The following VAT1L variants were observed in gnomAD, a reference collection of about 807,000 sequenced individuals.
VAT1L encodes the protein vesicle amine transport 1 like.
Under a neutral mutation model 44.1 loss-of-function variants are expected in VAT1L, and 34 were observed. The observed-to-expected ratio is 0.77, with a 90% CI of 0.59 to 1.03. VAT1L has a LOEUF of 1.03. Ranked by LOEUF, VAT1L falls within the 50% of genes least tolerant of loss-of-function variation. The probability of loss-of-function intolerance (pLI) is 0.00; values close to 1 mark genes in which losing one functional copy is unlikely to be tolerated. For synonymous variants in VAT1L, 253 were observed against 202.2 expected (o/e 1.25, Z -2.13); for missense variants, 615 against 538.8 (o/e 1.14, Z -1.40).
chr16:77,912,808 G>T (rs191187594), intron 7 of VAT1L, among the ~76,000 whole-genome samples: 1 of 152,300 alleles, frequency 6.6e-6, no homozygotes, highest in Non-Finnish European at 1.5e-5. Context: ...GCAAGTTCAA[G>T]ATCAAGGTAC....
chr16:77,869,350 A>C (rs1341379789), intron 4 of VAT1L, among the ~76,000 whole-genome samples: 2 of 152,196 alleles, frequency 1.3e-5, no homozygotes, highest in Admixed American at 6.5e-5. Context: ...CAGGCCAGGG[A>C]AAGTGGGACT....
intron 3 of VAT1L, among the ~76,000 whole-genome samples, chr16:77,861,373 T>C (rs977502719): frequency 2.0e-5 from 3 of 152,242 alleles, no homozygotes; most frequent in African/African-American, 7.2e-5. Context: ...TTTTGTCCAA[T>C]GACTTCAAGT....
chr16:77,966,469 C>A (rs2018223588), intron 7 of VAT1L, among the ~76,000 whole-genome samples: 1 of 152,144 alleles, frequency 6.6e-6, no homozygotes, highest in African/African-American at 2.4e-5. Context: ...AGACACAGTG[C>A]AGAGAGCCCA....
chr16:77,949,696 A>G (rs1387316518), intron 7 of VAT1L, among the ~76,000 whole-genome samples: 1 of 152,198 alleles, frequency 6.6e-6, no homozygotes, highest in African/African-American at 2.4e-5. Flanking sequence ...ACCTTCCGCC[A>G]TGAGCAGAAA....
intron 7 of VAT1L, among the ~76,000 whole-genome samples, chr16:77,946,308 G>C (rs1483441378): frequency 4.8e-4 from 2 of 4,160 alleles, no homozygotes; most frequent in African/African-American, 7.2e-4. Context: ...TTTTGAGACA[G>C]AGTCTCACTC....
At chr16:77,843,067 G>A (rs1233916919) in intron 3 of VAT1L, among the ~76,000 whole-genome samples, 3 of 152,158 alleles carry the variant, frequency 2.0e-5, no homozygotes, top group Non-Finnish European at 4.4e-5. Flanking sequence ...GGCAAAGACA[G>A]AGGTACAATT....
chr16:77,885,910 G>A (rs1473566922), intron 7 of VAT1L, among the ~76,000 whole-genome samples: 1 of 152,122 alleles, frequency 6.6e-6, no homozygotes, highest in East Asian at 1.9e-4. Context: ...CAATGGAGCA[G>A]GAATGTGCCT....
chr16:77,895,802 G>A (rs948739809), intron 7 of VAT1L, among the ~76,000 whole-genome samples: 4 of 152,202 alleles, frequency 2.6e-5, no homozygotes, highest in African/African-American at 4.8e-5. Flanking sequence ...GCCAAGCACC[G>A]GGCCAGGCTT....
At chr16:77,902,972 G>GAAAAAAAAAAAA (rs11307214) in intron 7 of VAT1L, among the ~76,000 whole-genome samples, 4 of 96,368 alleles carry the variant, frequency 4.2e-5, no homozygotes, top group Non-Finnish European at 6.1e-5. Context: ...GACTCTGTCT[G>GAAAAAAAAAAAA]AAAAAAAAAA....
chr16:77,916,803 T>C (rs978485174), intron 7 of VAT1L, among the ~76,000 whole-genome samples: 2 of 151,858 alleles, frequency 1.3e-5, no homozygotes, highest in East Asian at 1.9e-4. Flanking sequence ...TTTGCTCTTT[T>C]TTTTTTTTTT....
At chr16:77,829,068 T>C (rs1436193060) in intron 3 of VAT1L, among the ~76,000 whole-genome samples, 1 of 152,184 alleles carries the variant, frequency 6.6e-6, no homozygotes, top group Non-Finnish European at 1.5e-5. Context: ...AAGTAGCGAA[T>C]TGCAGAACTA....
rs553392177 is a variant in VAT1L at position 77,958,471 on chromosome 16, T to C, written c.1078-13379T>C. On this transcript the variant is annotated intron_variant, in intron 7 of 8. Transcript: ENST00000302536. The stretch of plus-strand genomic sequence containing the variant: ...TCCTCTTCCCCAGGTCTCACTCCCA[T>C]GTAGGAATCAGCATCCCCTGAGTGT... 6.6e-5 allele frequency among the ~76,000 whole-genome samples: 10 copies of C among 152,310 alleles called. No homozygotes were observed. The East Asian group carries it at 1.7e-3, about 26-fold the overall frequency.
chr16:77,833,619 CGTGTG>C (rs1213293753), intron 3 of VAT1L, among the ~76,000 whole-genome samples: 30 of 152,158 alleles, frequency 2.0e-4, no homozygotes, highest in Non-Finnish European at 3.5e-4. Context: ...GGCATGGTGG[CGTGTG>C]CCTGTAATCC....
intron 7 of VAT1L, among the ~76,000 whole-genome samples, chr16:77,943,455 A>G (rs2017917194): frequency 7.2e-6 from 1 of 139,608 alleles, no homozygotes; most frequent in Non-Finnish European, 1.5e-5. Flanking sequence ...GCTGGAGTGC[A>G]GCGGCACCAT....
chr16:77,973,672 C>A (rs1175301679), intron 8 of VAT1L, among the ~76,000 whole-genome samples: 41 of 124,754 alleles, frequency 3.3e-4, no homozygotes, highest in African/African-American at 9.8e-4. Context: ...TGCATCAGTT[C>A]TTTAAAAAAA....
At chr16:77,821,323 G>T (rs369638648) in intron 2 of VAT1L, among the ~76,000 whole-genome samples, 8 of 147,032 alleles carry the variant, frequency 5.4e-5, no homozygotes, top group African/African-American at 1.5e-4. Flanking sequence ...TTTTCGAGAT[G>T]GGAGTCTCAC....
intron 1 of VAT1L, among the ~76,000 whole-genome samples, chr16:77,797,739 C>G (rs2015964445): frequency 6.6e-6 from 1 of 152,180 alleles, no homozygotes; most frequent in Non-Finnish European, 1.5e-5. Flanking sequence ...GACCTCCAAG[C>G]TCCTGGGACT....
intron 7 of VAT1L, among the ~76,000 whole-genome samples, chr16:77,891,628 A>G (rs559042798): frequency 6.6e-6 from 1 of 152,286 alleles, no homozygotes; most frequent in Non-Finnish European, 1.5e-5. Context: ...CATGTTAATG[A>G]CTATGGTTTA....
rs5818093 is a variant in VAT1L at position 77,849,144 on chromosome 16, CA to C, written c.580-13601del. Among the ~76,000 whole-genome samples the C allele has an allele frequency of 5.5e-3, 835 of 152,216 alleles. 8 individuals carry two copies. Among genetic ancestry groups the C allele is most frequent in the East Asian group, 0.028 (146 of 5,174 alleles). ...CCATGGCACGTGTATGCCTATGTAA[CA>C]AACCTGCACATTCTGCACATGTATC... On this transcript the variant is annotated intron_variant, in intron 3 of 8. Coordinates refer to ENST00000302536, the MANE Select transcript of VAT1L (RefSeq NM_020927.3).
Sources: gnomAD v4.1 joint callset for allele counts (sites outside exome capture counted in the v4.1 genomes callset) on GRCh38, gnomAD v4.1.1 for gene constraint, MANE v1.5 for transcripts, NCBI Gene and HGNC (gene_info 2026-07-23, HGNC 2026-07-21) for gene names.